SLC6A17: variants seen among roughly 807,000 people sequenced by gnomAD.
SLC6A17 encodes sodium-dependent neutral amino acid transporter SLC6A17.
A neutral mutation model predicts 64.5 loss-of-function variants in SLC6A17; 21 were observed. That is an observed-to-expected ratio of 0.33 (90% CI 0.23 to 0.47). The LOEUF (loss-of-function observed/expected upper bound fraction) is 0.47, where lower values mean the gene tolerates loss of function less well. SLC6A17 is among the 20% of genes least tolerant of loss of function. The pLI is 1.00. For missense variants in SLC6A17, 682 were observed against 963.2 expected, an observed-to-expected ratio of 0.71 and a Z score of 3.86; for synonymous variants, 372 against 399.5, an observed-to-expected ratio of 0.93 and a Z score of 0.82.
At chr1:110,164,924 A>G (rs1282592112) in intron 1 of SLC6A17, among the ~76,000 whole-genome samples, 1 of 152,168 alleles carries the variant, frequency 6.6e-6, no homozygotes, top group Non-Finnish European at 1.5e-5. Flanking sequence ...GATGATCAGT[A>G]AATCATACCT....
chr1:110,191,339 A>G (rs1287650971), intron 6 of SLC6A17, among the ~76,000 whole-genome samples: 3 of 152,220 alleles, frequency 2.0e-5, no homozygotes, highest in Non-Finnish European at 2.9e-5. Context: ...TGCCATCCCA[A>G]TGCTGTTGCA....
chr1:110,171,818 A>C (rs971662370), intron 2 of SLC6A17, among the ~76,000 whole-genome samples: 2 of 151,960 alleles, frequency 1.3e-5, no homozygotes, highest in Non-Finnish European at 2.9e-5. Flanking sequence ...GTTGACATAC[A>C]TACACTTCCT....
chr1:110,198,569 G>T lies in SLC6A17; in HGVS notation c.*125G>T, dbSNP rs1424332025. 4.1e-6 allele frequency: 6 copies of T among 1,464,460 alleles called. No individual in the cohort carries two copies. The highest frequency in any genetic ancestry group is 4.6e-5 in the Admixed American group (2 of 43,848). 90.7% of individuals were successfully genotyped at this position (1,464,460 alleles called of 1,614,324 possible). A position where few individuals can be genotyped will look rare whatever the true frequency, so the allele number is the denominator to read the frequency against. ...CCCTTTGCCCAAGAAGAGAGGGTCT[G>T]CCCTGCCTCACTCCCCTCTTCAGTC... On this transcript the variant is annotated 3_prime_UTR_variant, in exon 12 of 12. Transcript: ENST00000331565.
rs1194196175 is a variant in SLC6A17 at position 110,192,950 on chromosome 1, A to G, written c.1299+252A>G. Among the ~76,000 whole-genome samples, 2 of 152,216 alleles carry G rather than the reference A, an allele frequency of 1.3e-5. No homozygotes were observed. Among genetic ancestry groups the G allele is most frequent in the Non-Finnish European group, 2.9e-5 (2 of 68,032 alleles). ...ACCTCTCAGAAGTCACAGTAAGTGT[A>G]TGGGACGATGTTTCCATTTACTGAG... On this transcript the variant is annotated intron_variant, in intron 8 of 11. Coordinates refer to ENST00000331565, the MANE Select transcript of SLC6A17 (RefSeq NM_001010898.4). This position sits in a 1 kb window ranked among gnomAD's most constrained non-coding sequence, Gnocchi z 4.3.
In SLC6A17 at chr1:110,192,500, C is replaced by T; in HGVS notation, c.1107-6C>T. On this transcript the variant is annotated splice_polypyrimidine_tract_variant and splice_region_variant and intron_variant, in intron 7 of 11. Transcript: ENST00000331565. This position sits in a 1 kb window ranked among gnomAD's most constrained non-coding sequence, Gnocchi z 4.3. ...CTTACCTGGTCCTCTCGGTTTTGTG[C>T]TGCAGGAATGCTGAGAAAATCCTAG... is the stretch of plus-strand genomic sequence containing the variant. 2 of 1,610,386 alleles carry T rather than the reference C, an allele frequency of 1.2e-6. No individual in the cohort carries two copies. The highest frequency in any genetic ancestry group is 1.7e-6 in the Non-Finnish European group (2 of 1,178,116).
intron 6 of SLC6A17, among the ~76,000 whole-genome samples, chr1:110,187,221 T>G (rs4839226): frequency 8.9e-6 from 1 of 112,038 alleles, no homozygotes; most frequent in Non-Finnish European, 2.2e-5. Flanking sequence ...AACAATTCGC[T>G]AATCAGGCAG....
chr1:110,152,924 AT>A (rs1383314036), intron 1 of SLC6A17, among the ~76,000 whole-genome samples: 1 of 152,210 alleles, frequency 6.6e-6, no homozygotes, highest in African/African-American at 2.4e-5. Flanking sequence ...GTGGGGACAC[AT>A]GAAGGTTCGG....
At chr1:110,164,034 T>C (rs1335132419) in intron 1 of SLC6A17, among the ~76,000 whole-genome samples, 1 of 152,094 alleles carries the variant, frequency 6.6e-6, no homozygotes, top group Admixed American at 6.5e-5. Flanking sequence ...GCCATTACAT[T>C]ATCCATCGAT....
intron 5 of SLC6A17, 114 bp downstream of exon 5, chr1:110,175,074 C>A: frequency 7.7e-7 from 1 of 1,299,916 alleles, no homozygotes; most frequent in Non-Finnish European, 1.0e-6. Context: ...GTGGATAACA[C>A]AGGCCCCCAG....
chr1:110,173,852 C>T, intron 3 of SLC6A17, 121 bp from the exon 4 acceptor site: 7 of 1,436,380 alleles, frequency 4.9e-6, no homozygotes, highest in South Asian at 1.5e-5. Flanking sequence ...CCCTCCTTGC[C>T]TCTCTTGAGG....
At position 110,198,620 on chromosome 1, in the gene SLC6A17, G is replaced by C; in HGVS notation, c.*176G>C. 8.9e-7 allele frequency: 1 copy of C among 1,122,364 alleles called. No individual in the cohort carries two copies. The highest frequency in any genetic ancestry group is 1.2e-6 in the Non-Finnish European group (1 of 814,588). The allele number at this position is 1,122,364 out of a possible 1,614,324, so 69.5% of individuals were successfully genotyped here. ...CCAGTAGACTCTGCTCCCTAGCCCT[G>C]AGCAGGAGGCTGGGAGCAGCTCTGT... On this transcript the variant is annotated 3_prime_UTR_variant, in exon 12 of 12. Transcript: ENST00000331565.
At chr1:110,163,641 A>C (rs1655974399) in intron 1 of SLC6A17, among the ~76,000 whole-genome samples, 1 of 152,086 alleles carries the variant, frequency 6.6e-6, no homozygotes, top group Non-Finnish European at 1.5e-5. Context: ...GTGTGTGGCC[A>C]AGGCCCCAGG....
Position 110,174,795 on chromosome 1 carries a change from T to C in SLC6A17, c.588T>C (p.Cys196=). The change falls in exon 5 of 12, where the codon TGT becomes TGC. Residue 196 remains cysteine (C), a synonymous_variant. Coordinates refer to ENST00000331565, the MANE Select transcript of SLC6A17 (RefSeq NM_001010898.4). ...CTATTTCAGTGGTGGAGGCAGAGTG[T>C]GAAAAGAGCTCAGCCACTACCTACT... The part of the protein sequence containing the change: ...NGSVAVVEAE[C]EKSSATTYFW... The C allele has an allele frequency of 6.2e-7, 1 of 1,613,996 alleles. No homozygotes were observed. Among genetic ancestry groups the C allele is most frequent in the Non-Finnish European group, 8.5e-7 (1 of 1,179,952 alleles).
intron 4 of SLC6A17, 48 bp from the exon 5 acceptor site, chr1:110,174,731 C>T: frequency 1.3e-6 from 2 of 1,592,290 alleles, no homozygotes; most frequent in African/African-American, 1.3e-5. Flanking sequence ...AGGAAGTGAC[C>T]CCATAGGCCC....
chr1:110,172,492 T>C, intron 3 of SLC6A17: 1 of 396,220 alleles, frequency 2.5e-6, no homozygotes, highest in Non-Finnish European at 4.6e-6. Context: ...TGGGGCCGCC[T>C]GGGACAGCTC....
chr1:110,197,329 G>T, intron 10 of SLC6A17, 108 bp from the exon 11 acceptor site: 1 of 1,418,084 alleles, frequency 7.1e-7, no homozygotes, highest in Non-Finnish European at 9.6e-7. Flanking sequence ...GAAGAGCCCA[G>T]GAGGGAGGGA....
Position 110,174,001 on chromosome 1 carries a change from A to G in SLC6A17, c.473A>G (p.Asn158Ser). Reference sequence around the variant, plus strand: ...TGTCTCTTTGTGGGGCTGTATTATAATGTGATCATCGGGTGGAGCATCTTC... The same window carrying G: ...TGTCTCTTTGTGGGGCTGTATTATAGTGTGATCATCGGGTGGAGCATCTTC... ...IVCLFVGLYY[N>S]VIIGWSIFYF... Residue 158 changes from asparagine (N) to serine (S), a missense_variant, in exon 4 of 12, where the codon AAT becomes AGT. Asn to Ser is a conservative substitution (Grantham distance 46). Transcript: ENST00000331565. 1 of 1,614,144 alleles carries G rather than the reference A, an allele frequency of 6.2e-7. No individual in the cohort carries two copies. The highest frequency in any genetic ancestry group is 1.7e-5 in the Admixed American group (1 of 60,026).
At chr1:110,194,920 T>G (rs1656921707) in intron 9 of SLC6A17, 149 bp downstream of exon 9, 2 of 961,120 alleles carry the variant, frequency 2.1e-6, no homozygotes, top group East Asian at 5.3e-5. Context: ...GCTGTGCCAC[T>G]CAGTGATTAG....
intron 1 of SLC6A17, among the ~76,000 whole-genome samples, chr1:110,161,231 CAG>C (rs1296233536): frequency 6.6e-6 from 1 of 152,180 alleles, no homozygotes; most frequent in Non-Finnish European, 1.5e-5. Flanking sequence ...AGTAAAAGCT[CAG>C]GGGCTCTGAG....
Sources: gnomAD v4.1 joint callset for allele counts (sites outside exome capture counted in the v4.1 genomes callset) on GRCh38, gnomAD v4.1.1 for gene constraint, Gnocchi (gnomAD v3.1) non-coding constraint, MANE v1.5 for transcripts, NCBI Gene and HGNC (gene_info 2026-07-23, HGNC 2026-07-21) for gene names.